The following KALRN variants were observed in gnomAD, a reference collection of about 807,000 sequenced individuals.
KALRN encodes the protein kalirin.
In KALRN, 70 loss-of-function variants were observed where a neutral mutation model predicts 353.7. The ratio of observed to expected loss-of-function variants is 0.20; its 90% CI spans 0.16 to 0.24. The LOEUF is 0.24. KALRN is among the 10% of genes least tolerant of loss of function. The pLI, the probability that KALRN is intolerant of heterozygous loss-of-function variation, is 1.00. For missense variants in KALRN, 2,791 were observed against 3,756.7 expected (o/e 0.74, Z 6.72); for synonymous variants, 1,391 against 1,434.8 (o/e 0.97, Z 0.69).
At chr3:124,148,040 G>A (rs765855094) in intron 1 of KALRN, among the ~76,000 whole-genome samples, 4 of 152,154 alleles carry the variant, frequency 2.6e-5, no homozygotes, top group Non-Finnish European at 5.9e-5. Context: ...TGCAGAGCTG[G>A]GATTAATGAA....
rs1002738510 is a variant in KALRN at position 124,724,039 on chromosome 3, T to TG, written c.*4569_*4570insG. 1 of 152,052 alleles carries TG rather than the reference T, an allele frequency of 6.6e-6. No homozygotes were observed. The highest frequency in any genetic ancestry group is 1.5e-5 in the Non-Finnish European group (1 of 67,990). The allele number at this position is 152,052 out of a possible 1,614,324, so 9.4% of individuals were successfully genotyped here. The stretch of plus-strand genomic sequence containing the variant: ...AGGACAAACCTTGAATCTTTTTTTT[T>TG]TTTTTTAGGTGGTTAGGTCTTTTAG... On this transcript the variant is annotated 3_prime_UTR_variant, in exon 60 of 60. Coordinates refer to ENST00000682506, the MANE Select transcript of KALRN (RefSeq NM_001388419.1).
chr3:124,268,666 C>A, intron 4 of KALRN, 77 bp from the exon 5 acceptor site: 1 of 1,447,442 alleles, frequency 6.9e-7, no homozygotes, highest in Non-Finnish European at 9.6e-7. Flanking sequence ...TTTATCTTGT[C>A]CTTTCCCTCA....
At chr3:124,156,996 G>A (rs73186253) in intron 1 of KALRN, among the ~76,000 whole-genome samples, 7,324 of 152,168 alleles carry the variant, frequency 0.048, 253 homozygotes, top group Non-Finnish European at 0.07. Context: ...CTTCTGTTTT[G>A]TGTTTATGTT....
At chr3:124,455,064 A>G (rs2059174215) in intron 21 of KALRN, 113 bp from the exon 22 acceptor site, 1 of 1,093,456 alleles carries the variant, frequency 9.1e-7, no homozygotes, top group African/African-American at 1.6e-5. Flanking sequence ...ATACATACCC[A>G]GGTAGTCAGC....
intron 51 of KALRN, among the ~76,000 whole-genome samples, chr3:124,692,344 C>G (rs554188455): frequency 6.6e-6 from 1 of 152,190 alleles, no homozygotes; most frequent in Non-Finnish European, 1.5e-5. Flanking sequence ...TTTAGAAAAC[C>G]TGGGTGGTAT....
intron 1 of KALRN, among the ~76,000 whole-genome samples, chr3:124,190,306 TC>T (rs2074760829): frequency 6.6e-6 from 1 of 152,158 alleles, no homozygotes; most frequent in Non-Finnish European, 1.5e-5. Context: ...TCTGATGTTC[TC>T]CCCAGTGGAG....
At chr3:124,152,046 T>A in intron 1 of KALRN, 1 of 1,419,192 alleles carries the variant, frequency 7.0e-7, no homozygotes, top group Admixed American at 1.7e-5. Context: ...TTTTTCTTCA[T>A]TCTGTCTCAT....
intron 9 of KALRN, among the ~76,000 whole-genome samples, chr3:124,341,842 G>A (rs2081757625): frequency 6.6e-6 from 1 of 152,198 alleles, no homozygotes; most frequent in South Asian, 2.1e-4. Flanking sequence ...AACGAGTTAA[G>A]GCTTTCCATA....
intron 57 of KALRN, among the ~76,000 whole-genome samples, chr3:124,707,798 G>A (rs2062707354): frequency 6.6e-6 from 1 of 152,078 alleles, no homozygotes; most frequent in African/African-American, 2.4e-5. Context: ...CTTCAAAAAG[G>A]GGCACTTGGG....
chr3:124,188,727 A>T (rs1224196231), intron 1 of KALRN, among the ~76,000 whole-genome samples: 3 of 152,288 alleles, frequency 2.0e-5, no homozygotes, highest in African/African-American at 7.2e-5. Context: ...GCTAGCTAAC[A>T]AGTTAGCCTG....
chr3:124,289,964 G>C (rs1209456782), intron 5 of KALRN, among the ~76,000 whole-genome samples: 2 of 152,100 alleles, frequency 1.3e-5, no homozygotes, highest in Non-Finnish European at 2.9e-5. Flanking sequence ...TCCATGTTTA[G>C]ATTGTCACAA....
intron 1 of KALRN, among the ~76,000 whole-genome samples, chr3:124,136,946 C>G (rs1023267047): frequency 6.6e-6 from 1 of 152,096 alleles, no homozygotes; most frequent in Non-Finnish European, 1.5e-5. Context: ...GGGAGCGAGG[C>G]CCTGAGCAGA....
intron 10 of KALRN, among the ~76,000 whole-genome samples, chr3:124,352,278 G>C (rs2082912624): frequency 6.6e-6 from 1 of 152,174 alleles, no homozygotes; most frequent in South Asian, 2.1e-4. Flanking sequence ...GTCTGCCCAG[G>C]TGGTGGAATA....
intron 25 of KALRN, among the ~76,000 whole-genome samples, chr3:124,470,680 A>C (rs187948394): frequency 6.6e-6 from 1 of 152,222 alleles, no homozygotes; most frequent in Admixed American, 6.5e-5. Context: ...ATTACCCAGG[A>C]AGCATTTCTA....
intron 33 of KALRN, among the ~76,000 whole-genome samples, chr3:124,509,908 AG>A (rs1485703559): frequency 1.3e-5 from 2 of 152,226 alleles, no homozygotes; most frequent in East Asian, 3.8e-4. Flanking sequence ...TTAGAAGATG[AG>A]AAAGTTACTT....
rs2062241813 is a variant in KALRN at position 124,700,026 on chromosome 3, A to G, written c.7989A>G (p.Pro2663=). 6.2e-7 allele frequency: 1 copy of G among 1,614,046 alleles called. No homozygotes were observed. Among genetic ancestry groups the G allele is most frequent in the Non-Finnish European group, 8.5e-7 (1 of 1,179,994 alleles). The change falls in exon 56 of 60, where the codon CCA becomes CCG. Residue 2663 remains proline, a synonymous_variant. Transcript: ENST00000682506. ...PSEPSEFVRL[P]EYDAAADGAT... ...AGCCCTCGGAGTTTGTGCGACTTCC[A>G]GAATATGGTGAGTCCCAGCCCAGCC...
rs926839211 is a variant in KALRN, at chr3:124,277,357, C to A, written c.969+8102C>A. 4.6e-5 allele frequency among the ~76,000 whole-genome samples: 7 copies of A among 152,240 alleles called. No individual in the cohort carries two copies. In the East Asian group the frequency reaches 1.4e-3, roughly 29 times the overall value. ...TCCCCTCTCCTACTGAGACCTTAAC[C>A]ACCAAACCCCTCCACCTCCTGTTGA... On this transcript the variant is annotated intron_variant, in intron 5 of 59. Coordinates refer to ENST00000682506, the MANE Select transcript of KALRN (RefSeq NM_001388419.1).
chr3:124,466,385 A>G (rs2060349839), intron 25 of KALRN, among the ~76,000 whole-genome samples: 2 of 152,210 alleles, frequency 1.3e-5, no homozygotes. Flanking sequence ...ACAGGAGAAT[A>G]TATTCCATTA....
At chr3:124,698,267 C>T (rs1260713969) in intron 55 of KALRN, among the ~76,000 whole-genome samples, 6 of 152,220 alleles carry the variant, frequency 3.9e-5, no homozygotes, top group African/African-American at 1.4e-4. Context: ...TAAGCCACCG[C>T]GCCCGGCCTC....
Sources: allele counts gnomAD v4.1 joint callset (sites outside exome capture counted in the v4.1 genomes callset), GRCh38; gene constraint gnomAD v4.1.1; transcripts MANE v1.5; gene names NCBI Gene and HGNC (gene_info 2026-07-23, HGNC 2026-07-21).